The following PITPNC1 variants were observed in gnomAD, a reference collection of about 807,000 sequenced individuals.
PITPNC1 encodes the protein phosphatidylinositol transfer protein cytoplasmic 1.
A neutral mutation model predicts 44.7 loss-of-function variants in PITPNC1; 18 were observed. The observed-to-expected ratio is 0.40, with a 90% CI of 0.28 to 0.60. The LOEUF (loss-of-function observed/expected upper bound fraction) is 0.60, where lower values mean the gene tolerates loss of function less well. PITPNC1 is among the 20% of genes least tolerant of loss of function. The pLI is 0.39. For missense variants in PITPNC1, 290 were observed against 418.4 expected (o/e 0.69, Z 2.68); for synonymous variants, 141 against 149.6 (o/e 0.94, Z 0.42).
At chr17:67,492,325 G>GT (rs2039876240) in intron 1 of PITPNC1, among the ~76,000 whole-genome samples, 1 of 152,144 alleles carries the variant, frequency 6.6e-6, no homozygotes, top group Non-Finnish European at 1.5e-5. Context: ...AATGACAAGT[G>GT]TCCTTACAAG....
chr17:67,507,095 G>A (rs1392064802), intron 1 of PITPNC1, among the ~76,000 whole-genome samples: 2 of 152,270 alleles, frequency 1.3e-5, no homozygotes, highest in Middle Eastern at 3.4e-3. Flanking sequence ...CCACTTCAAC[G>A]AGTCACTGTG....
chr17:67,519,307 G>A (rs570166019), intron 1 of PITPNC1, among the ~76,000 whole-genome samples: 1 of 150,838 alleles, frequency 6.6e-6, no homozygotes. Context: ...CTCCCAAGTA[G>A]CTGGGACTAC....
At chr17:67,631,053 G>GTTA (rs56142240) in intron 5 of PITPNC1, among the ~76,000 whole-genome samples, 7,273 of 127,646 alleles carry the variant, frequency 0.057, 286 homozygotes, top group East Asian at 0.1. Flanking sequence ...TGTTGTTGTT[G>GTTA]TTATTATTAT....
At chr17:67,633,434 T>C (rs1242850542) in intron 6 of PITPNC1, among the ~76,000 whole-genome samples, 1 of 152,242 alleles carries the variant, frequency 6.6e-6, no homozygotes, top group East Asian at 1.9e-4. Flanking sequence ...TACCTGATCT[T>C]AGCAAATGCT....
At chr17:67,486,042 T>C (rs955841734) in intron 1 of PITPNC1, among the ~76,000 whole-genome samples, 1 of 152,206 alleles carries the variant, frequency 6.6e-6, no homozygotes, top group African/African-American at 2.4e-5. Flanking sequence ...AAATAAAATA[T>C]CAAAAGTCAC....
chr17:67,598,027 T>C (rs1465551918), intron 5 of PITPNC1, among the ~76,000 whole-genome samples: 1 of 151,926 alleles, frequency 6.6e-6, no homozygotes, highest in Non-Finnish European at 1.5e-5. Flanking sequence ...ATCAAGACCA[T>C]CCTGGCCAAC....
At chr17:67,381,673 A>G (rs1396837912) in intron 1 of PITPNC1, among the ~76,000 whole-genome samples, 4 of 151,418 alleles carry the variant, frequency 2.6e-5, no homozygotes, top group Admixed American at 6.6e-5. Flanking sequence ...TCACCGTGTT[A>G]GCCAGGATGG....
intron 5 of PITPNC1, among the ~76,000 whole-genome samples, chr17:67,583,350 G>C (rs1238244635): frequency 1.3e-5 from 2 of 152,074 alleles, no homozygotes; most frequent in African/African-American, 4.8e-5. Context: ...CACTTTGGGA[G>C]GCCGAGGCGG....
intron 5 of PITPNC1, among the ~76,000 whole-genome samples, chr17:67,582,653 T>A (rs993721783): frequency 6.6e-5 from 10 of 152,034 alleles, no homozygotes; most frequent in African/African-American, 2.4e-4. Flanking sequence ...AGTATACGTA[T>A]GATTGTGAAA....
chr17:67,631,881 C>T (rs1289023362), intron 5 of PITPNC1, among the ~76,000 whole-genome samples: 12 of 149,128 alleles, frequency 8.0e-5, no homozygotes, highest in Non-Finnish European at 1.5e-4. Flanking sequence ...TTTCCTCACT[C>T]TTGAACTCCT....
intron 1 of PITPNC1, among the ~76,000 whole-genome samples, chr17:67,504,971 C>G (rs1021256764): frequency 6.6e-6 from 1 of 152,168 alleles, no homozygotes; most frequent in Non-Finnish European, 1.5e-5. Context: ...ATTTTCTACT[C>G]TCCCTTGTGA....
In PITPNC1 at chr17:67,436,870, T is replaced by C. The variant is rs1313746645; in HGVS notation, c.48+58668T>C. 2.0e-5 allele frequency among the ~76,000 whole-genome samples: 3 copies of C among 149,628 alleles called. No individual in the cohort carries two copies. In the Admixed American group the frequency reaches 2.0e-4, roughly 10 times the overall value. ...TGTCCCCTCAAAATCTGTGTCTGCC[T>C]GGAACCTCAGAATCTGATTGTATTT... On this transcript the variant is annotated intron_variant, in intron 1 of 8. Coordinates refer to ENST00000581322, the MANE Select transcript of PITPNC1 (RefSeq NM_012417.4).
intron 8 of PITPNC1, among the ~76,000 whole-genome samples, chr17:67,688,604 C>T (rs935335805): frequency 1.8e-4 from 27 of 152,102 alleles, no homozygotes; most frequent in Non-Finnish European, 4.0e-4. Context: ...GAGCAAGAGG[C>T]GTTTCCTCTC....
At chr17:67,447,338 A>T (rs2039112849) in intron 1 of PITPNC1, among the ~76,000 whole-genome samples, 1 of 151,758 alleles carries the variant, frequency 6.6e-6, no homozygotes. Context: ...TATAAACTGC[A>T]TGCTTAGTAC....
chr17:67,468,400 CTTTTTT>C (rs139820910), intron 1 of PITPNC1, among the ~76,000 whole-genome samples: 2 of 119,984 alleles, frequency 1.7e-5, no homozygotes, highest in South Asian at 5.5e-4. Flanking sequence ...GCTTTCTTTC[CTTTTTT>C]TTTTTTTTTT....
At chr17:67,580,226 T>C (rs1283800201) in intron 5 of PITPNC1, among the ~76,000 whole-genome samples, 2 of 152,236 alleles carry the variant, frequency 1.3e-5, no homozygotes, top group African/African-American at 2.4e-5. Flanking sequence ...AAACAATTGC[T>C]GGTCACTGGA....
intron 1 of PITPNC1, among the ~76,000 whole-genome samples, chr17:67,383,095 A>G (rs1302263173): frequency 2.0e-5 from 3 of 151,776 alleles, no homozygotes; most frequent in Non-Finnish European, 2.9e-5. Context: ...TCCCGAGTTC[A>G]AGAGATTCTC....
At chr17:67,408,037 C>A (rs2038427172) in intron 1 of PITPNC1, among the ~76,000 whole-genome samples, 1 of 151,782 alleles carries the variant, frequency 6.6e-6, no homozygotes, top group Non-Finnish European at 1.5e-5. Flanking sequence ...TTGAACGCAA[C>A]CTCCGCCTCC....
At chr17:67,636,122 C>G (rs1410327235) in intron 6 of PITPNC1, among the ~76,000 whole-genome samples, 1 of 151,974 alleles carries the variant, frequency 6.6e-6, no homozygotes, top group Non-Finnish European at 1.5e-5. Context: ...CATGGTGAAA[C>G]CTCGTTTCTT....
Sources: allele counts gnomAD v4.1 joint callset (sites outside exome capture counted in the v4.1 genomes callset), GRCh38; gene constraint gnomAD v4.1.1; transcripts MANE v1.5; gene names NCBI Gene and HGNC (gene_info 2026-07-23, HGNC 2026-07-21).